FAM13A: variants seen among roughly 807,000 people sequenced by gnomAD.
The protein encoded by FAM13A is family with sequence similarity 13 member A.
In FAM13A, 76 loss-of-function variants were observed where a neutral mutation model predicts 129.6. That is an observed-to-expected ratio of 0.59 (90% CI 0.49 to 0.71). FAM13A has a LOEUF of 0.71. Among genes scored for constraint, FAM13A ranks in the 30% least tolerant of loss-of-function variants. FAM13A has a pLI of 0.00. For synonymous variants in FAM13A, 443 were observed against 449.9 expected, an observed-to-expected ratio of 0.98 and a Z score of 0.20; for missense variants, 1,108 against 1,249.3, an observed-to-expected ratio of 0.89 and a Z score of 1.70.
chr4:88,887,822 C>T (rs902576221), intron 6 of FAM13A, among the ~76,000 whole-genome samples: 9 of 152,056 alleles, frequency 5.9e-5, no homozygotes, highest in Middle Eastern at 3.2e-3. Flanking sequence ...CGTGAGCCAC[C>T]GTGCCTGGTC....
intron 23 of FAM13A, 144 bp downstream of exon 23, chr4:88,731,183 C>T (rs1737670902): frequency 3.5e-6 from 2 of 579,392 alleles, no homozygotes. Context: ...TGTCCCTGGG[C>T]ACAAACCCAA....
chr4:88,769,380 G>A (rs568756196), intron 11 of FAM13A, among the ~76,000 whole-genome samples: 3 of 152,324 alleles, frequency 2.0e-5, no homozygotes, highest in Non-Finnish European at 4.4e-5. Flanking sequence ...AGTTATGACA[G>A]TGGCTCTGAA....
intron 4 of FAM13A, among the ~76,000 whole-genome samples, chr4:88,978,429 G>GA (rs1010822727): frequency 1.7e-4 from 26 of 150,384 alleles, no homozygotes; most frequent in African/African-American, 2.4e-4. Flanking sequence ...GTAAGTAAAA[G>GA]AAAAAAAAAT....
At chr4:88,990,353 T>C (rs139756122) in intron 4 of FAM13A, 11 of 152,296 alleles carry the variant, frequency 7.2e-5, no homozygotes, top group African/African-American at 2.6e-4. Context: ...GAAGAATGTA[T>C]TTGATATCAG....
At chr4:88,731,198 C>T (rs556736054) in intron 23 of FAM13A, 129 bp downstream of exon 23, 16 of 589,898 alleles carry the variant, frequency 2.7e-5, no homozygotes, top group Non-Finnish European at 3.0e-6. Context: ...ACCCAAGGAC[C>T]AGGTTACAGG....
At position 88,750,650 on chromosome 4, in the gene FAM13A, G is replaced by C. The variant is rs1181652605; in HGVS notation, c.1727-13C>G. 11 of 1,565,336 alleles carry C rather than the reference G, an allele frequency of 7.0e-6. No individual in the cohort carries two copies. Among genetic ancestry groups the C allele is most frequent in the Non-Finnish European group, 9.4e-6 (11 of 1,164,352 alleles). On this transcript the variant is annotated splice_polypyrimidine_tract_variant and intron_variant, in intron 14 of 23. Transcript: ENST00000264344. ...GCAGGGATAGGCTCTGGAAGATAAG[G>C]GCAGTAAGATCAGGACTGTTCCTGA...
chr4:88,963,771 A>G (rs1579524566), intron 4 of FAM13A, among the ~76,000 whole-genome samples: 1 of 152,310 alleles, frequency 6.6e-6, no homozygotes, highest in East Asian at 1.9e-4. Context: ...TGCTGCTAAA[A>G]CTTATAAATA....
intron 23 of FAM13A, among the ~76,000 whole-genome samples, chr4:88,731,000 GCCA>G (rs1560825635): frequency 6.6e-6 from 1 of 152,176 alleles, no homozygotes; most frequent in Non-Finnish European, 1.5e-5. Flanking sequence ...AAGCGTTGGT[GCCA>G]CCACCAGCGG....
At chr4:88,819,972 C>G (rs1317366539) in intron 7 of FAM13A, among the ~76,000 whole-genome samples, 1 of 152,124 alleles carries the variant, frequency 6.6e-6, no homozygotes, top group African/African-American at 2.4e-5. Context: ...TTCTAAAGAT[C>G]ATGAGTTTCT....
chr4:88,946,760 G>A (rs1437685827), intron 4 of FAM13A, among the ~76,000 whole-genome samples: 1 of 152,030 alleles, frequency 6.6e-6, no homozygotes, highest in African/African-American at 2.4e-5. Flanking sequence ...AGGAGCCAGA[G>A]TTATTATCAG....
intron 5 of FAM13A, among the ~76,000 whole-genome samples, chr4:88,923,205 C>T (rs997095791): frequency 2.6e-5 from 4 of 152,180 alleles, no homozygotes; most frequent in African/African-American, 4.8e-5. Context: ...TTTTATGAGG[C>T]CAGCATCATC....
rs756941406 is a variant in FAM13A, at chr4:88,787,893, A to G, written c.1131T>C (p.His377=). ...ERTIRSAVEQ[H]LFDVNNSGGQ... ...CTCCAGAGTTATTAACATCAAAAAG[A>G]TGTTGTTCTACAGCTGATCGGATGG... Residue 377 remains histidine, a synonymous_variant, in exon 10 of 24, where the codon CAT becomes CAC. Transcript: ENST00000264344. The G allele has an allele frequency of 5.6e-6, 9 of 1,613,470 alleles. No individual in the cohort carries two copies. Among genetic ancestry groups the G allele is most frequent in the Non-Finnish European group, 7.6e-6 (9 of 1,179,636 alleles).
At chr4:88,782,427 A>G (rs1238579683) in intron 10 of FAM13A, among the ~76,000 whole-genome samples, 2 of 152,138 alleles carry the variant, frequency 1.3e-5, no homozygotes, top group Admixed American at 1.3e-4. Context: ...TACCTCCCTA[A>G]ACACCTAAAA....
intron 4 of FAM13A, among the ~76,000 whole-genome samples, chr4:88,944,381 T>C (rs1405654984): frequency 6.6e-6 from 1 of 152,204 alleles, no homozygotes; most frequent in Non-Finnish European, 1.5e-5. Flanking sequence ...TTGCCCTCTT[T>C]ATAACATCAT....
intron 3 of FAM13A, among the ~76,000 whole-genome samples, chr4:88,995,028 AATGTATATTTGTTGCACACT>A (rs1401460434): frequency 1.5e-4 from 23 of 152,048 alleles, no homozygotes; most frequent in African/African-American, 5.6e-4. Context: ...ATACATCCAA[AATGTATATTTGTTGCACACT>A]ATGTATATTT....
rs1736439084 is a variant in FAM13A, at chr4:88,726,240, A to AGAT, written c.*2290_*2292dup. ...TGACTAACAAACATTTCTTCAAATA[A>AGAT]GATCTAGTGTGAAAAGGGCTTCCTC... On this transcript the variant is annotated 3_prime_UTR_variant, in exon 24 of 24. Coordinates refer to ENST00000264344, the MANE Select transcript of FAM13A (RefSeq NM_014883.4). 6.6e-6 allele frequency: 1 copy of AGAT among 152,206 alleles called. No individual in the cohort carries two copies. Among genetic ancestry groups the AGAT allele is most frequent in the Non-Finnish European group, 1.5e-5 (1 of 68,044 alleles). 9.4% of individuals were successfully genotyped at this position (152,206 alleles called of 1,614,324 possible).
At chr4:89,027,526 C>G (rs1013707269) in intron 2 of FAM13A, among the ~76,000 whole-genome samples, 2 of 148,928 alleles carry the variant, frequency 1.3e-5, no homozygotes, top group Non-Finnish European at 3.0e-5. Flanking sequence ...AAAAAAAAAG[C>G]AATACAATAG....
intron 7 of FAM13A, among the ~76,000 whole-genome samples, chr4:88,815,493 A>G (rs933571472): frequency 2.6e-5 from 4 of 152,232 alleles, no homozygotes; most frequent in Non-Finnish European, 5.9e-5. Context: ...ACTTGATATC[A>G]GAAGTCAAAT....
At chr4:88,969,571 C>T (rs547992903) in intron 4 of FAM13A, among the ~76,000 whole-genome samples, 1 of 152,320 alleles carries the variant, frequency 6.6e-6, no homozygotes, top group Non-Finnish European at 1.5e-5. Flanking sequence ...AACCACATAT[C>T]TATTCTATTT....
Sources: gnomAD v4.1 joint callset for allele counts (sites outside exome capture counted in the v4.1 genomes callset) on GRCh38, gnomAD v4.1.1 for gene constraint, MANE v1.5 for transcripts, NCBI Gene and HGNC (gene_info 2026-07-23, HGNC 2026-07-21) for gene names.